WWOX: variants seen among roughly 807,000 people sequenced by gnomAD.
WWOX encodes the protein WW domain containing oxidoreductase.
WWOX carries 69 observed loss-of-function variants against 46.2 expected under a neutral mutation model. That is an observed-to-expected ratio of 1.49 (90% CI 1.23 to 1.82). The LOEUF (loss-of-function observed/expected upper bound fraction) is 1.82. Ranked by LOEUF, WWOX falls within the 40% of genes most tolerant of loss-of-function variation. The pLI is 0.00. For synonymous variants in WWOX, 359 were observed against 202.6 expected (o/e 1.77, Z -6.56); for missense variants, 919 against 542.6 (o/e 1.69, Z -6.89).
intron 8 of WWOX, among the ~76,000 whole-genome samples, chr16:78,721,315 C>G (rs898159133): frequency 1.6e-4 from 24 of 152,140 alleles, no homozygotes; most frequent in Non-Finnish European, 2.4e-4. Context: ...TTTTCTTCTT[C>G]AGGCTTTAAA....
At chr16:79,117,021 A>G (rs556513532) in intron 8 of WWOX, among the ~76,000 whole-genome samples, 1 of 151,492 alleles carries the variant, frequency 6.6e-6, no homozygotes, top group Non-Finnish European at 1.5e-5. Flanking sequence ...GGTACGAGGT[A>G]CATTGTCAAC....
At chr16:79,024,726 T>C (rs2550707) in intron 8 of WWOX, among the ~76,000 whole-genome samples, 103,372 of 151,950 alleles carry the variant, frequency 0.68, 35,769 homozygotes, top group East Asian at 0.92. Flanking sequence ...TGAGCCACCA[T>C]GCCTGGCCCT....
intron 8 of WWOX, among the ~76,000 whole-genome samples, chr16:78,536,759 A>C (rs1312150838): frequency 4.6e-5 from 7 of 152,238 alleles, no homozygotes; most frequent in African/African-American, 1.4e-4. Flanking sequence ...GAGGAGGAGG[A>C]AAAGGTGACT....
chr16:79,134,824 G>C (rs537950676), intron 8 of WWOX, among the ~76,000 whole-genome samples: 49 of 152,284 alleles, frequency 3.2e-4, no homozygotes, highest in African/African-American at 1.1e-3. Flanking sequence ...TTTGACACGG[G>C]ATGGCCTAAT....
chr16:78,907,646 T>G lies in WWOX; in HGVS notation c.1057-303962T>G, dbSNP rs141750791. On this transcript the variant is annotated intron_variant, in intron 8 of 8. Coordinates refer to ENST00000566780, the MANE Select transcript of WWOX (RefSeq NM_016373.4). ...GATCTCTTTCACGGTCATAATTTTC[T>G]TACTCTTACAATTTTTGCAAAGGCA... Among the ~76,000 whole-genome samples, 459 of 152,352 alleles carry G rather than the reference T, an allele frequency of 3.0e-3. 2 individuals carry two copies. Among genetic ancestry groups the G allele is most frequent in the African/African-American group, 0.011 (441 of 41,586 alleles).
At position 79,212,415 on chromosome 16, in the gene WWOX, G is replaced by C. The variant is rs532547517; in HGVS notation, c.*619G>C. ...CAAAGTACTTGTCATAGACTCCTTT[G>C]CTAATGCTATGCAAAAAATTCTTTA... On this transcript the variant is annotated 3_prime_UTR_variant, in exon 9 of 9. Coordinates refer to ENST00000566780, the MANE Select transcript of WWOX (RefSeq NM_016373.4). The C allele has an allele frequency of 1.3e-3, 485 of 378,732 alleles. 2 individuals carry two copies. Among genetic ancestry groups the C allele is most frequent in the Middle Eastern group, 2.2e-3 (3 of 1,354 alleles). The allele number at this position is 378,732 out of a possible 1,614,324, so 23.5% of individuals were successfully genotyped here.
chr16:78,251,502 T>G (rs2037983435), intron 5 of WWOX, among the ~76,000 whole-genome samples: 1 of 152,138 alleles, frequency 6.6e-6, no homozygotes, highest in South Asian at 2.1e-4. Flanking sequence ...CTCCTCTCTT[T>G]CCCATCCAAC....
At chr16:79,112,761 G>A (rs140655788) in intron 8 of WWOX, among the ~76,000 whole-genome samples, 23 of 152,280 alleles carry the variant, frequency 1.5e-4, no homozygotes, top group African/African-American at 5.5e-4. Flanking sequence ...CTGGAAGACA[G>A]GAGAGAAATC....
chr16:79,076,319 C>T (rs1380010073), intron 8 of WWOX, among the ~76,000 whole-genome samples: 1 of 152,216 alleles, frequency 6.6e-6, no homozygotes, highest in Non-Finnish European at 1.5e-5. Flanking sequence ...TGATTTCTTA[C>T]TATCTTGGGC....
intron 8 of WWOX, among the ~76,000 whole-genome samples, chr16:78,434,919 C>T (rs1307139690): frequency 6.6e-6 from 1 of 152,148 alleles, no homozygotes; most frequent in Non-Finnish European, 1.5e-5. Flanking sequence ...AAGGCAAGTT[C>T]TGCTAAAATA....
intron 8 of WWOX, among the ~76,000 whole-genome samples, chr16:78,949,919 A>C (rs924834634): frequency 2.0e-5 from 3 of 152,164 alleles, no homozygotes; most frequent in Non-Finnish European, 2.9e-5. Context: ...TCTACTGTTT[A>C]TTGTATTCCA....
At chr16:79,195,861 A>G (rs1334835385) in intron 8 of WWOX, among the ~76,000 whole-genome samples, 1 of 152,208 alleles carries the variant, frequency 6.6e-6, no homozygotes, top group African/African-American at 2.4e-5. Flanking sequence ...GAAAGGGGAA[A>G]GAACATTTCA....
At chr16:78,518,325 G>A (rs1050873741) in intron 8 of WWOX, among the ~76,000 whole-genome samples, 1 of 152,080 alleles carries the variant, frequency 6.6e-6, no homozygotes, top group African/African-American at 2.4e-5. Flanking sequence ...TCCGCCTCCT[G>A]GGATCAAGTG....
At chr16:79,058,605 T>C (rs2048307566) in intron 8 of WWOX, among the ~76,000 whole-genome samples, 1 of 152,194 alleles carries the variant, frequency 6.6e-6, no homozygotes, top group African/African-American at 2.4e-5. Flanking sequence ...TTGACCTTTA[T>C]GAAGCTGGCC....
chr16:78,749,418 A>C (rs976836294), intron 8 of WWOX, among the ~76,000 whole-genome samples: 1 of 152,224 alleles, frequency 6.6e-6, no homozygotes, highest in Non-Finnish European at 1.5e-5. Context: ...ATAATAGTTT[A>C]AAAGAGAGAA....
chr16:78,382,004 A>T (rs1408016775), intron 5 of WWOX, among the ~76,000 whole-genome samples: 1 of 152,162 alleles, frequency 6.6e-6, no homozygotes, highest in Non-Finnish European at 1.5e-5. Context: ...TAGCAGGTGC[A>T]TGCTGCTATG....
intron 8 of WWOX, among the ~76,000 whole-genome samples, chr16:78,826,536 CCTTCTCCT>C (rs997575816): frequency 3.3e-5 from 5 of 152,194 alleles, no homozygotes; most frequent in Non-Finnish European, 5.9e-5. Context: ...AGCCACATGG[CCTTCTCCT>C]CTTCTCCTGT....
chr16:78,604,776 C>CTTCCT (rs1167811288), intron 8 of WWOX, among the ~76,000 whole-genome samples: 3 of 1,544 alleles, frequency 1.9e-3, no homozygotes, highest in East Asian at 0.033. Flanking sequence ...CCCTCCTTCC[C>CTTCCT]CCCTCCCTCC....
chr16:78,701,434 G>C (rs2048213958), intron 8 of WWOX, among the ~76,000 whole-genome samples: 1 of 152,054 alleles, frequency 6.6e-6, no homozygotes, highest in African/African-American at 2.4e-5. Context: ...GGAGGTTGAA[G>C]GTCCGATGGC....
Sources: allele counts gnomAD v4.1 joint callset (sites outside exome capture counted in the v4.1 genomes callset), GRCh38; gene constraint gnomAD v4.1.1; transcripts MANE v1.5; gene names NCBI Gene and HGNC (gene_info 2026-07-23, HGNC 2026-07-21).